The following S100Z variants were observed in gnomAD, a reference collection of about 807,000 sequenced individuals.
The protein encoded by S100Z is S100 calcium binding protein Z.
S100Z carries 11 observed loss-of-function variants against 8.5 expected under a neutral mutation model. The observed-to-expected ratio is 1.30, with a 90% CI of 0.82 to 2.15. S100Z has a LOEUF of 2.15. Ranked by LOEUF, S100Z falls within the 30% of genes most tolerant of loss-of-function variation. S100Z has a pLI of 0.00. For missense variants in S100Z, 126 were observed against 117.9 expected, an observed-to-expected ratio of 1.07 and a Z score of -0.32; for synonymous variants, 34 against 43.8, an observed-to-expected ratio of 0.78 and a Z score of 0.89.
Position 76,874,766 on chromosome 5 carries a change from G to C in S100Z, c.-56-538G>C, listed in dbSNP as rs558737226. On this transcript the variant is annotated intron_variant, in intron 2 of 4. Coordinates refer to ENST00000317593, the MANE Select transcript of S100Z (RefSeq NM_130772.4). ...ACCTGGTTGTCTTATGAATATGCTG[G>C]AGCTGCTACCTCTTGGGGGTGTAGG... Among the ~76,000 whole-genome samples, 3 of 152,114 alleles carry C rather than the reference G, an allele frequency of 2.0e-5. No homozygotes were observed. In the South Asian group the frequency reaches 6.2e-4, roughly 32 times the overall value.
At chr5:76,889,741 A>C (rs1238950666) in intron 4 of S100Z, among the ~76,000 whole-genome samples, 3 of 152,262 alleles carry the variant, frequency 2.0e-5, no homozygotes, top group Non-Finnish European at 4.4e-5. Flanking sequence ...TCTTTTCCTC[A>C]TGTTAGGAAC....
the S100Z span, among the ~76,000 whole-genome samples, chr5:76,951,627 C>T: frequency 1.3e-5 from 2 of 152,204 alleles, no homozygotes; most frequent in Non-Finnish European, 2.9e-5. Context: ...TTGAGGCCAG[C>T]AAGTTGGGGT....
downstream of S100Z, among the ~76,000 whole-genome samples, chr5:76,925,825 G>T (rs1745128988): frequency 1.3e-5 from 2 of 152,052 alleles, no homozygotes; most frequent in African/African-American, 4.8e-5. Flanking sequence ...ATTTTAGCAG[G>T]GTGTGGTGGC....
At chr5:76,947,600 C>G in the S100Z span, among the ~76,000 whole-genome samples, 1 of 152,136 alleles carries the variant, frequency 6.6e-6, no homozygotes, top group East Asian at 1.9e-4. Flanking sequence ...CACCACACTT[C>G]CTGATTTCAA....
intron 1 of S100Z, among the ~76,000 whole-genome samples, chr5:76,863,784 C>T (rs968214258): frequency 2.0e-5 from 3 of 152,150 alleles, no homozygotes; most frequent in Non-Finnish European, 2.9e-5. Context: ...GTGATCCACC[C>T]ACCTTGGCCT....
At chr5:76,918,991 T>C (rs1001065678) in intron 4 of S100Z, among the ~76,000 whole-genome samples, 1 of 152,244 alleles carries the variant, frequency 6.6e-6, no homozygotes, top group African/African-American at 2.4e-5. Flanking sequence ...CACATTTAAG[T>C]TTTCTTCGTG....
At chr5:76,952,339 G>A in the S100Z span, among the ~76,000 whole-genome samples, 16 of 152,332 alleles carry the variant, frequency 1.1e-4, no homozygotes, top group African/African-American at 3.6e-4. Context: ...TGGTCTAGGA[G>A]TGTGTACATC....
chr5:76,924,644 T>C (rs1461395586), downstream of S100Z, among the ~76,000 whole-genome samples: 2 of 152,138 alleles, frequency 1.3e-5, no homozygotes, highest in Non-Finnish European at 2.9e-5. Context: ...GTGTGGTGGC[T>C]CAAGCCTGTA....
At chr5:76,928,295 A>G in the S100Z span, among the ~76,000 whole-genome samples, 3 of 152,352 alleles carry the variant, frequency 2.0e-5, no homozygotes, top group African/African-American at 4.8e-5. Context: ...AGCTGCAAAA[A>G]GATGTCTGAA....
At chr5:76,872,703 G>T (rs1327402622) in intron 2 of S100Z, among the ~76,000 whole-genome samples, 1 of 152,052 alleles carries the variant, frequency 6.6e-6, no homozygotes, top group Non-Finnish European at 1.5e-5. Context: ...GCTCACACCT[G>T]TAATCCCAGC....
intron 4 of S100Z, among the ~76,000 whole-genome samples, chr5:76,907,855 GCAGTGGCTCACA>G (rs1249542339): frequency 1.3e-5 from 2 of 152,148 alleles, no homozygotes; most frequent in Non-Finnish European, 2.9e-5. Context: ...AAGGCCAGGT[GCAGTGGCTCACA>G]CCTATAATCC....
intron 4 of S100Z, among the ~76,000 whole-genome samples, chr5:76,909,082 A>C (rs1488895112): frequency 6.6e-6 from 1 of 152,084 alleles, no homozygotes; most frequent in Non-Finnish European, 1.5e-5. Flanking sequence ...TCCAGGGACC[A>C]TTGTGGGTTC....
chr5:76,890,527 A>G (rs1244816347), intron 4 of S100Z, among the ~76,000 whole-genome samples: 9 of 152,226 alleles, frequency 5.9e-5, no homozygotes, highest in East Asian at 1.9e-4. Flanking sequence ...ACGTGCACCT[A>G]AAGTCCCAGC....
At chr5:76,909,055 T>A (rs1744555565) in intron 4 of S100Z, among the ~76,000 whole-genome samples, 1 of 152,176 alleles carries the variant, frequency 6.6e-6, no homozygotes, top group Non-Finnish European at 1.5e-5. Context: ...TAAGCGCAAC[T>A]ATTCCGATCA....
intron 1 of S100Z, among the ~76,000 whole-genome samples, chr5:76,856,427 T>C (rs1426309496): frequency 6.6e-6 from 1 of 152,206 alleles, no homozygotes; most frequent in Non-Finnish European, 1.5e-5. Context: ...CTCAAACTCC[T>C]GACCTCAGGC....
chr5:76,939,491 T>C, the S100Z span, among the ~76,000 whole-genome samples: 198 of 147,510 alleles, frequency 1.3e-3, 3 homozygotes, highest in African/African-American at 4.7e-3. Flanking sequence ...AAGGGTGAAA[T>C]AGTATGAAAC....
chr5:76,859,176 T>C (rs941748461), intron 1 of S100Z, among the ~76,000 whole-genome samples: 4 of 152,178 alleles, frequency 2.6e-5, no homozygotes, highest in African/African-American at 7.2e-5. Context: ...AGAGTTTGCA[T>C]TGGCTGGAGA....
At chr5:76,898,006 C>A (rs367838488) in intron 4 of S100Z, among the ~76,000 whole-genome samples, 60 of 152,300 alleles carry the variant, frequency 3.9e-4, no homozygotes, top group African/African-American at 1.3e-3. Flanking sequence ...CTAGCTAGGA[C>A]TTCCAGTACT....
At chr5:76,924,589 T>C (rs1745102549), downstream of S100Z, among the ~76,000 whole-genome samples, 1 of 152,148 alleles carries the variant, frequency 6.6e-6, no homozygotes, top group Non-Finnish European at 1.5e-5. Context: ...TATAACAAAT[T>C]ACCCTAAAAC....
Sources: gnomAD v4.1 joint callset for allele counts (sites outside exome capture counted in the v4.1 genomes callset) on GRCh38, gnomAD v4.1.1 for gene constraint, MANE v1.5 for transcripts, NCBI Gene and HGNC (gene_info 2026-07-23, HGNC 2026-07-21) for gene names.